GPC6: variants seen among roughly 807,000 people sequenced by gnomAD.
GPC6 encodes the protein glypican-6.
GPC6 carries 14 observed loss-of-function variants against 55.2 expected under a neutral mutation model. That is an observed-to-expected ratio of 0.25 (90% CI 0.17 to 0.40). The LOEUF (loss-of-function observed/expected upper bound fraction) is 0.40, where lower values mean the gene tolerates loss of function less well. GPC6 is among the 10% of genes least tolerant of loss of function. GPC6 has a pLI of 1.00. For synonymous variants in GPC6, 278 were observed against 259.6 expected (o/e 1.07, Z -0.68); for missense variants, 641 against 708.5 (o/e 0.90, Z 1.08).
Position 94,250,653 on chromosome 13 carries a change from T to TTG in GPC6, c.878-35695_878-35694insGT, listed in dbSNP as rs1891320471. Among the ~76,000 whole-genome samples, 3 of 152,128 alleles carry TTG rather than the reference T, an allele frequency of 2.0e-5. No homozygotes were observed. In the East Asian group the frequency reaches 5.8e-4, roughly 29 times the overall value. Reference sequence around the variant, plus strand: ...TACCAGTTTCCTGAAGGAGACTTGATTACAACTCCCCTGTGAGAAAAACAA... The same window carrying TTG: ...TACCAGTTTCCTGAAGGAGACTTGATTGTACAACTCCCCTGTGAGAAAAACAA... On this transcript the variant is annotated intron_variant, in intron 4 of 8. Transcript: ENST00000377047.
intron 2 of GPC6, among the ~76,000 whole-genome samples, chr13:93,779,040 A>G (rs960447177): frequency 3.5e-4 from 53 of 152,204 alleles, no homozygotes; most frequent in Admixed American, 1.4e-3. Context: ...ATTTTGCTGT[A>G]TGTTTATAAC....
chr13:94,198,221 G>T lies in GPC6; in HGVS notation c.878-88128G>T, dbSNP rs773147001. Among the ~76,000 whole-genome samples the T allele has an allele frequency of 2.0e-5, 3 of 152,114 alleles. No homozygotes were observed. The East Asian group carries it at 5.8e-4, about 29-fold the overall frequency. ...ACAACCTATAAGATGGTGGTCACAG[G>T]TTGTATATAATGAAAAGGTAATAAA... On this transcript the variant is annotated intron_variant, in intron 4 of 8. Coordinates refer to ENST00000377047, the MANE Select transcript of GPC6 (RefSeq NM_005708.5).
intron 6 of GPC6, among the ~76,000 whole-genome samples, chr13:94,379,259 A>C (rs1464767745): frequency 6.6e-6 from 1 of 152,088 alleles, no homozygotes; most frequent in Non-Finnish European, 1.5e-5. Context: ...CCAGTGGCTA[A>C]TAGTGTCCAT....
intron 4 of GPC6, among the ~76,000 whole-genome samples, chr13:94,244,987 A>G (rs141897749): frequency 2.2e-4 from 33 of 152,202 alleles, no homozygotes; most frequent in Admixed American, 4.6e-4. Context: ...AAACACAGCT[A>G]CCATCTCACA....
chr13:93,596,069 A>G (rs1278807608), intron 2 of GPC6, among the ~76,000 whole-genome samples: 1 of 152,186 alleles, frequency 6.6e-6, no homozygotes, highest in South Asian at 2.1e-4. Flanking sequence ...CATGTCTATC[A>G]TACAGATATT....
At chr13:93,416,038 T>C (rs1227927018) in intron 1 of GPC6, among the ~76,000 whole-genome samples, 1 of 152,134 alleles carries the variant, frequency 6.6e-6, no homozygotes, top group African/African-American at 2.4e-5. Flanking sequence ...CTTTGTGAAA[T>C]TGTCAGGCAA....
chr13:93,803,868 G>A (rs1301773188), intron 2 of GPC6, among the ~76,000 whole-genome samples: 2 of 152,100 alleles, frequency 1.3e-5, no homozygotes, highest in Non-Finnish European at 2.9e-5. Context: ...TTAGTAAGTA[G>A]CTTAATGATT....
At chr13:93,554,157 AAG>A (rs916016699) in intron 2 of GPC6, among the ~76,000 whole-genome samples, 3 of 151,018 alleles carry the variant, frequency 2.0e-5, no homozygotes, top group Non-Finnish European at 4.4e-5. Context: ...AAAAAAAAAA[AAG>A]AGAGAGAGAG....
At chr13:93,889,837 G>A (rs1403508474) in intron 3 of GPC6, among the ~76,000 whole-genome samples, 2 of 151,970 alleles carry the variant, frequency 1.3e-5, no homozygotes, top group Non-Finnish European at 2.9e-5. Context: ...ACTGATCTCT[G>A]CCTCTTGCTT....
intron 3 of GPC6, among the ~76,000 whole-genome samples, chr13:93,979,886 A>G (rs544440492): frequency 1.3e-5 from 2 of 152,254 alleles, no homozygotes; most frequent in South Asian, 2.1e-4. Flanking sequence ...TCAGAAAGAT[A>G]CGACTCAAAA....
At chr13:93,751,667 G>A (rs898691922) in intron 2 of GPC6, among the ~76,000 whole-genome samples, 61 of 152,024 alleles carry the variant, frequency 4.0e-4, no homozygotes, top group African/African-American at 1.4e-3. Flanking sequence ...GACTACAGGT[G>A]TGCACCACCA....
intron 1 of GPC6, among the ~76,000 whole-genome samples, chr13:93,248,864 G>A (rs772817170): frequency 1.6e-4 from 25 of 152,184 alleles, no homozygotes; most frequent in Non-Finnish European, 3.2e-4. Flanking sequence ...GAGCTGATAC[G>A]CCTAACACAA....
intron 3 of GPC6, among the ~76,000 whole-genome samples, chr13:93,945,538 A>G (rs1159863578): frequency 2.0e-5 from 3 of 152,208 alleles, no homozygotes; most frequent in East Asian, 3.8e-4. Context: ...GAGATTGGAG[A>G]GTGTATTTTG....
intron 1 of GPC6, among the ~76,000 whole-genome samples, chr13:93,244,842 A>G (rs544946884): frequency 6.6e-6 from 1 of 152,292 alleles, no homozygotes; most frequent in Admixed American, 6.5e-5. Flanking sequence ...TTCTTAGATA[A>G]AAGTGCACAG....
At chr13:93,572,865 A>T (rs1412797339) in intron 2 of GPC6, among the ~76,000 whole-genome samples, 2 of 152,096 alleles carry the variant, frequency 1.3e-5, no homozygotes, top group African/African-American at 4.8e-5. Flanking sequence ...AATTCCTTGT[A>T]TCTCATGACT....
rs146699826 is a variant in GPC6, at chr13:93,812,652, A to G, written c.320-17502A>G. Among the ~76,000 whole-genome samples the G allele has an allele frequency of 3.2e-4, 49 of 152,272 alleles. No homozygotes were observed. In the East Asian group the frequency reaches 7.5e-3, roughly 23 times the overall value. Reference sequence around the variant, plus strand: ...TGATATCCTGAGAAAAGTAGTGTTCATTTTTTATATGCCAAGATAAATTTT... The same window carrying G: ...TGATATCCTGAGAAAAGTAGTGTTCGTTTTTTATATGCCAAGATAAATTTT... On this transcript the variant is annotated intron_variant, in intron 2 of 8. Coordinates refer to ENST00000377047, the MANE Select transcript of GPC6 (RefSeq NM_005708.5).
chr13:94,273,752 C>T (rs971232311), intron 4 of GPC6, among the ~76,000 whole-genome samples: 4 of 152,072 alleles, frequency 2.6e-5, no homozygotes, highest in South Asian at 2.1e-4. Context: ...CCACTAGCTA[C>T]GAAAACACGG....
intron 1 of GPC6, among the ~76,000 whole-genome samples, chr13:93,460,087 T>G (rs1226614452): frequency 6.6e-6 from 1 of 152,180 alleles, no homozygotes; most frequent in Non-Finnish European, 1.5e-5. Flanking sequence ...GGTGGCACCT[T>G]TCTGACAGTA....
At chr13:93,392,639 G>T (rs1023247997) in intron 1 of GPC6, among the ~76,000 whole-genome samples, 1 of 152,322 alleles carries the variant, frequency 6.6e-6, no homozygotes, top group East Asian at 1.9e-4. Context: ...GACGGCCAGG[G>T]AGAGAATATA....
Sources: gnomAD v4.1 joint callset for allele counts (sites outside exome capture counted in the v4.1 genomes callset) on GRCh38, gnomAD v4.1.1 for gene constraint, MANE v1.5 for transcripts, NCBI Gene and HGNC (gene_info 2026-07-23, HGNC 2026-07-21) for gene names.